The following TSC1 variants were observed in gnomAD, a reference collection of about 807,000 sequenced individuals.
TSC1 encodes hamartin.
A neutral mutation model predicts 124.3 loss-of-function variants in TSC1; 20 were observed. The ratio of observed to expected loss-of-function variants is 0.16; its 90% confidence interval spans 0.11 to 0.23. The LOEUF is 0.23. Among genes scored for constraint, TSC1 ranks in the 10% least tolerant of loss-of-function variants. The probability of loss-of-function intolerance (pLI) is 1.00; values close to 1 mark genes in which losing one functional copy is unlikely to be tolerated. For missense variants in TSC1, 1,124 were observed against 1,448.5 expected, an observed-to-expected ratio of 0.78 and a Z score of 3.64; for synonymous variants, 493 against 539.1, an observed-to-expected ratio of 0.91 and a Z score of 1.19.
intron 1 of TSC1, among the ~76,000 whole-genome samples, chr9:132,936,088 G>A (rs904455768): frequency 1.7e-4 from 26 of 152,314 alleles, no homozygotes; most frequent in African/African-American, 5.5e-4. Context: ...TTGATTGAAT[G>A]ACTAGAAGTT....
intron 9 of TSC1, 137 bp downstream of exon 9, chr9:132,912,145 T>C: frequency 5.9e-6 from 6 of 1,013,050 alleles, no homozygotes; most frequent in Non-Finnish European, 7.4e-6. Context: ...TGGAGGGACA[T>C]GCAAATTTAA....
Position 132,906,811 on chromosome 9 carries a change from G to C in TSC1, c.1358C>G (p.Ser453Cys), listed in dbSNP as rs1271797824. The C allele has an allele frequency of 1.2e-6, 2 of 1,614,030 alleles. No individual in the cohort carries two copies. The highest frequency in any genetic ancestry group is 1.7e-6 in the Non-Finnish European group (2 of 1,180,036). Residue 453 changes from serine to cysteine, a missense_variant, in exon 14 of 23, where the codon TCT becomes TGT. Transcript: ENST00000298552. This position sits in a 1 kb window ranked among gnomAD's most constrained non-coding sequence, Gnocchi z 4.1. ...GSEEPPGSKG[S>C]VTLSDLPGFL... ...CCCTGGAAGATCACTTAGAGTGACA[G>C]AACCTTTGCTGCCAGGTGGCTCTTC...
chr9:132,931,458 C>T (rs1730114809), intron 2 of TSC1: 1 of 152,182 alleles, frequency 6.6e-6, no homozygotes, highest in Non-Finnish European at 1.5e-5. Flanking sequence ...GTTTTGGCAA[C>T]AAGTTTTTCT....
chr9:132,911,976 GAA>G (rs1234216339), intron 9 of TSC1, among the ~76,000 whole-genome samples: 1 of 152,174 alleles, frequency 6.6e-6, no homozygotes, highest in Non-Finnish European at 1.5e-5. Flanking sequence ...CTGAAAATCA[GAA>G]AGATTCCCTT....
Position 132,892,060 on chromosome 9 carries a change from T to A in TSC1, c.*4175A>T, listed in dbSNP as rs1007578552. 2.6e-5 allele frequency: 6 copies of A among 233,074 alleles called. No individual in the cohort carries two copies. The highest frequency in any genetic ancestry group is 4.2e-5 in the Non-Finnish European group (5 of 117,982). 14.4% of individuals were successfully genotyped at this position (233,074 alleles called of 1,614,324 possible). A position where few individuals can be genotyped will look rare whatever the true frequency, so the allele number is the denominator to read the frequency against. On this transcript the variant is annotated 3_prime_UTR_variant, in exon 23 of 23. Transcript: ENST00000298552. ...GAAGCCATGGGCACAGGTGCTCGGC[T>A]CTTCCAGGCAGGCTTCCCTTGTAGC...
chr9:132,902,495 A>C lies in TSC1; in HGVS notation c.2391+110T>G, dbSNP rs1281291619. On this transcript the variant is annotated intron_variant, in intron 18 of 22. Transcript: ENST00000298552. This position sits in a 1 kb window ranked among gnomAD's most constrained non-coding sequence, Gnocchi z 5.2. The stretch of plus-strand genomic sequence containing the variant: ...CATGATTTCAGAGAGAAAAGCATTC[A>C]GCTTAGTAAAGCTGAACAAGTCAAG... The C allele has an allele frequency of 2.3e-6, 3 of 1,320,624 alleles. No homozygotes were observed. Among genetic ancestry groups the C allele is most frequent in the African/African-American group, 1.4e-5 (1 of 69,024 alleles). The allele number at this position is 1,320,624 out of a possible 1,614,324, so 81.8% of individuals were successfully genotyped here. A position where few individuals can be genotyped will look rare whatever the true frequency, so the allele number is the denominator to read the frequency against.
Position 132,927,521 on chromosome 9 carries a change from C to CTTTTTT in TSC1, c.107-223_107-218dup, listed in dbSNP as rs57259325. On this transcript the variant is annotated intron_variant, in intron 3 of 22. Coordinates refer to ENST00000298552, the MANE Select transcript of TSC1 (RefSeq NM_000368.5). ...AAACATATGAAGTCATTTTTATTGC[C>CTTTTTT]TTTTTTTTTTTTTTTTTTTTGAGAT... is the stretch of plus-strand genomic sequence containing the variant. Among the ~76,000 whole-genome samples the CTTTTTT allele has an allele frequency of 2.7e-4, 28 of 103,934 alleles. 2 individuals carry two copies. Among genetic ancestry groups the CTTTTTT allele is most frequent in the African/African-American group, 5.6e-4 (15 of 26,584 alleles). 68.2% of individuals were successfully genotyped at this position (103,934 alleles called of 152,430 possible).
chr9:132,937,587 A>G (rs1847525231), intron 1 of TSC1, among the ~76,000 whole-genome samples: 1 of 152,222 alleles, frequency 6.6e-6, no homozygotes. Context: ...AGAAATATCT[A>G]AGGCAAGGGT....
At chr9:132,931,210 T>C (rs1847185048) in intron 2 of TSC1, 1 of 152,218 alleles carries the variant, frequency 6.6e-6, no homozygotes, top group Non-Finnish European at 1.5e-5. Flanking sequence ...GTTACTTACC[T>C]ACTATTTGTC....
intron 15 of TSC1, among the ~76,000 whole-genome samples, chr9:132,904,812 T>C (rs181760019): frequency 1.3e-5 from 2 of 152,352 alleles, no homozygotes; most frequent in African/African-American, 4.8e-5. Context: ...GAGAGCCGTT[T>C]TCAACCCTGT....
intron 12 of TSC1, 62 bp downstream of exon 12, chr9:132,910,509 G>C: frequency 6.2e-7 from 1 of 1,613,540 alleles, no homozygotes; most frequent in Non-Finnish European, 8.5e-7. Flanking sequence ...GCTTCTCAAA[G>C]TGAGGCTTGC....
At position 132,921,904 on chromosome 9, in the gene TSC1, C is replaced by A. The variant is rs2132156433; in HGVS notation, c.578G>T (p.Gly193Val). 1 of 1,614,176 alleles carries A rather than the reference C, an allele frequency of 6.2e-7. No homozygotes were observed. Among genetic ancestry groups the A allele is most frequent in the Non-Finnish European group, 8.5e-7 (1 of 1,180,028 alleles). ...SVYALFHRLY[G>V]MYPCNFVSFL... ...GGAGACGAAGTTGCAAGGGTACATT[C>A]CATAAAGGCGATGAAAGAGTGCGTA... The change falls in exon 7 of 23, where the codon GGA becomes GTA. Residue 193 changes from glycine (G) to valine (V), a missense_variant. By Grantham distance (109) the Gly-to-Val change is moderately radical (BLOSUM62 -3). Coordinates refer to ENST00000298552, the MANE Select transcript of TSC1 (RefSeq NM_000368.5). This position sits in a 1 kb window ranked among gnomAD's most constrained non-coding sequence, Gnocchi z 4.3.
In TSC1 at chr9:132,891,739, A is replaced by G; in HGVS notation, c.*4496T>C. 1 of 233,748 alleles carries G rather than the reference A, an allele frequency of 4.3e-6. No homozygotes were observed. 14.5% of individuals were successfully genotyped at this position (233,748 alleles called of 1,614,324 possible). On this transcript the variant is annotated 3_prime_UTR_variant, in exon 23 of 23. Transcript: ENST00000298552. ...TTCCTCCGTAATATATTTGTGGTCC[A>G]TAGAAGTCTTCTGAAAAGTGATTAC...
chr9:132,898,865 G>C (rs938804374), intron 20 of TSC1: 7 of 152,310 alleles, frequency 4.6e-5, no homozygotes, highest in Admixed American at 1.3e-4. Flanking sequence ...ATGGGCACAG[G>C]ACAGGCCTGG....
chr9:132,927,002 T>C, intron 4 of TSC1, 199 bp downstream of exon 4: 1 of 594,880 alleles, frequency 1.7e-6, no homozygotes. Context: ...CTCTGAAATA[T>C]GTTTTATTTT....
intron 8 of TSC1, 172 bp from the exon 9 acceptor site, chr9:132,912,629 C>T (rs1846032566): frequency 2.9e-6 from 2 of 684,278 alleles, no homozygotes; most frequent in Non-Finnish European, 5.1e-6. Context: ...ATTCATTTTA[C>T]AATCCTATAC....
rs1564482909 is a variant in TSC1, at chr9:132,906,393, A to G, written c.1439-254T>C. The G allele has an allele frequency of 1.8e-6, 1 of 559,076 alleles. No homozygotes were observed. The highest frequency in any genetic ancestry group is 1.9e-5 in the African/African-American group (1 of 53,074). The allele number at this position is 559,076 out of a possible 1,614,324, so 34.6% of individuals were successfully genotyped here. On this transcript the variant is annotated intron_variant, in intron 14 of 22. Coordinates refer to ENST00000298552, the MANE Select transcript of TSC1 (RefSeq NM_000368.5). The surrounding 1 kb of genome is among the most constrained non-coding windows in gnomAD (Gnocchi z 4.1). ...AGATCCCATCTCTACAAAAAATACAATAAAAATCAGCTGAGCATCGTGGTG... is the reference window on the plus strand; with the variant it reads ...AGATCCCATCTCTACAAAAAATACAGTAAAAATCAGCTGAGCATCGTGGTG...
chr9:132,907,920 C>T, intron 12 of TSC1, among the ~76,000 whole-genome samples: 1 of 152,192 alleles, frequency 6.6e-6, no homozygotes. Flanking sequence ...AACCCCATCT[C>T]TACAAAAAAT....
In TSC1 at chr9:132,938,701, C is replaced by T. The variant is rs13300390; in HGVS notation, c.-143-3606G>A. ...ACGCCATTTTTTTCACATATCTCTGCCCTAGCCAAGATGCATTATGAGCTG... is the reference window on the plus strand; with the variant it reads ...ACGCCATTTTTTTCACATATCTCTGTCCTAGCCAAGATGCATTATGAGCTG... On this transcript the variant is annotated intron_variant, in intron 1 of 22. Transcript: ENST00000298552. 3.2e-3 allele frequency among the ~76,000 whole-genome samples: 492 copies of T among 152,278 alleles called. 8 individuals are homozygous for T. The highest frequency in any genetic ancestry group is 0.02 in the Admixed American group (306 of 15,284).
Sources: allele counts gnomAD v4.1 joint callset (sites outside exome capture counted in the v4.1 genomes callset), GRCh38; gene constraint gnomAD v4.1.1; non-coding constraint Gnocchi (gnomAD v3.1); transcripts MANE v1.5; gene names NCBI Gene and HGNC (gene_info 2026-07-23, HGNC 2026-07-21).